Variants in PTPRD observed in about 807,000 individuals in gnomAD.
The protein encoded by PTPRD is receptor-type tyrosine-protein phosphatase delta.
A neutral mutation model predicts 214.5 loss-of-function variants in PTPRD; 34 were observed. The observed-to-expected ratio is 0.16, with a 90% CI of 0.12 to 0.21. PTPRD has a LOEUF of 0.21. Among genes scored for constraint, PTPRD ranks in the 10% least tolerant of loss-of-function variants. The pLI, the probability that PTPRD is intolerant of heterozygous loss-of-function variation, is 1.00. For missense variants in PTPRD, 2,545 were observed against 2,398.7 expected (o/e 1.06, Z -1.27); for synonymous variants, 1,128 against 845.7 (o/e 1.33, Z -5.79).
intron 26 of PTPRD, among the ~76,000 whole-genome samples, chr9:8,495,598 T>A (rs146990481): frequency 4.4e-4 from 67 of 152,184 alleles, no homozygotes; most frequent in Admixed American, 3.4e-3. Context: ...AAACAGAAAA[T>A]GAAGTGGAAT....
intron 2 of PTPRD, among the ~76,000 whole-genome samples, chr9:10,366,452 C>G (rs1234720840): frequency 1.3e-5 from 2 of 152,064 alleles, no homozygotes; most frequent in Non-Finnish European, 2.9e-5. Flanking sequence ...GTTCCCAGGA[C>G]AGCCAAAAAC....
intron 39 of PTPRD, among the ~76,000 whole-genome samples, chr9:8,375,585 C>G (rs12555585): frequency 0.13 from 20,288 of 152,012 alleles, 2,090 homozygotes; most frequent in East Asian, 0.37. Context: ...GTCCAGCCCA[C>G]AAGAACTTGT....
chr9:10,096,599 T>C (rs1183481567), intron 3 of PTPRD, among the ~76,000 whole-genome samples: 1 of 152,042 alleles, frequency 6.6e-6, no homozygotes, highest in Non-Finnish European at 1.5e-5. Context: ...TGTTTTTTTC[T>C]TGTAAATTTG....
At chr9:9,836,204 G>T (rs546140359) in intron 5 of PTPRD, among the ~76,000 whole-genome samples, 8 of 152,266 alleles carry the variant, frequency 5.3e-5, no homozygotes, top group African/African-American at 1.4e-4. Context: ...CATATGGAAG[G>T]ACATCCTAGA....
intron 35 of PTPRD, among the ~76,000 whole-genome samples, chr9:8,412,964 T>C (rs886887466): frequency 1.3e-5 from 2 of 152,162 alleles, no homozygotes; most frequent in Admixed American, 1.3e-4. Context: ...AAATTATGAA[T>C]GAATAGCTTG....
chr9:10,570,216 T>G (rs1018823175), intron 2 of PTPRD, among the ~76,000 whole-genome samples: 1 of 152,158 alleles, frequency 6.6e-6, no homozygotes, highest in Non-Finnish European at 1.5e-5. Context: ...CTCTCCATTT[T>G]GATAAATTAG....
chr9:9,254,077 A>C (rs1037916066), intron 9 of PTPRD, among the ~76,000 whole-genome samples: 1 of 152,094 alleles, frequency 6.6e-6, no homozygotes, highest in Non-Finnish European at 1.5e-5. Flanking sequence ...CACCTGGAAA[A>C]TCCAGGATGA....
At chr9:8,320,056 C>A in intron 44 of PTPRD, 90 bp from the exon 45 acceptor site, 1 of 1,479,048 alleles carries the variant, frequency 6.8e-7, no homozygotes. Context: ...CTACCAGCTT[C>A]CACACTCCGT....
chr9:8,424,675 A>AG (rs71317364), intron 35 of PTPRD, among the ~76,000 whole-genome samples: 84,393 of 151,812 alleles, frequency 0.56, 24,095 homozygotes, highest in African/African-American at 0.64. Context: ...AAAATAAAGA[A>AG]GGGGACTGGG....
chr9:9,012,445 C>A (rs1438680501), intron 11 of PTPRD, among the ~76,000 whole-genome samples: 1 of 152,128 alleles, frequency 6.6e-6, no homozygotes, highest in Non-Finnish European at 1.5e-5. Flanking sequence ...ATAAGCCAAG[C>A]ATTATTCACC....
At position 9,972,323 on chromosome 9, in the gene PTPRD, A is replaced by T. The variant is rs557142944; in HGVS notation, c.-471-33713T>A. 3.3e-5 allele frequency among the ~76,000 whole-genome samples: 5 copies of T among 152,218 alleles called. No homozygotes were observed. The East Asian group carries it at 9.7e-4, about 29-fold the overall frequency. Reference sequence around the variant, plus strand: ...ACTTGCCCCTATTTTTGCTCTTCTCAAGAGGAATCAATTTAAAAATTATTA... The same window carrying T: ...ACTTGCCCCTATTTTTGCTCTTCTCTAGAGGAATCAATTTAAAAATTATTA... On this transcript the variant is annotated intron_variant, in intron 4 of 45. Coordinates refer to ENST00000381196, the MANE Select transcript of PTPRD (RefSeq NM_002839.4).
At chr9:9,424,655 T>G (rs2080136994) in intron 8 of PTPRD, among the ~76,000 whole-genome samples, 1 of 152,106 alleles carries the variant, frequency 6.6e-6, no homozygotes, top group Non-Finnish European at 1.5e-5. Context: ...CAAAATTAAT[T>G]AAAAACAAAA....
At chr9:10,378,804 T>G (rs1358451152) in intron 2 of PTPRD, among the ~76,000 whole-genome samples, 1 of 152,112 alleles carries the variant, frequency 6.6e-6, no homozygotes, top group Non-Finnish European at 1.5e-5. Flanking sequence ...TTCTGTGTCT[T>G]TTGTGGTTCC....
intron 35 of PTPRD, among the ~76,000 whole-genome samples, chr9:8,429,665 T>C (rs995507264): frequency 1.2e-4 from 18 of 152,164 alleles, no homozygotes; most frequent in African/African-American, 4.1e-4. Flanking sequence ...GTGAGAGTGC[T>C]GCCATGAGAA....
intron 7 of PTPRD, among the ~76,000 whole-genome samples, chr9:9,640,978 C>G (rs2095923886): frequency 6.6e-6 from 1 of 152,234 alleles, no homozygotes; most frequent in Non-Finnish European, 1.5e-5. Context: ...CAAAATAGTT[C>G]TATGTGCCTA....
intron 3 of PTPRD, among the ~76,000 whole-genome samples, chr9:10,096,487 C>T (rs970997339): frequency 5.3e-5 from 8 of 151,876 alleles, no homozygotes; most frequent in African/African-American, 1.7e-4. Flanking sequence ...CTCTGATGGC[C>T]AGTGATGATG....
At chr9:10,234,022 G>T (rs183900656) in intron 3 of PTPRD, among the ~76,000 whole-genome samples, 2 of 151,704 alleles carry the variant, frequency 1.3e-5, no homozygotes, top group Admixed American at 1.3e-4. Flanking sequence ...GGAGGCCGAG[G>T]CGGGTGGTTC....
chr9:8,728,373 A>T (rs770536508), intron 12 of PTPRD, among the ~76,000 whole-genome samples: 8 of 152,166 alleles, frequency 5.3e-5, no homozygotes, highest in Non-Finnish European at 1.2e-4. Context: ...CTTTCTAAGA[A>T]TTTTTGTGCA....
intron 14 of PTPRD, among the ~76,000 whole-genome samples, chr9:8,588,923 C>T (rs1169972071): frequency 2.0e-5 from 3 of 152,040 alleles, no homozygotes; most frequent in African/African-American, 7.2e-5. Context: ...CTGAATCAGG[C>T]TTTCCACCGA....
Sources: gnomAD v4.1 joint callset for allele counts (sites outside exome capture counted in the v4.1 genomes callset) on GRCh38, gnomAD v4.1.1 for gene constraint, MANE v1.5 for transcripts, NCBI Gene and HGNC (gene_info 2026-07-23, HGNC 2026-07-21) for gene names.